Variants in PPP2R2D observed in about 807,000 individuals in gnomAD.
PPP2R2D encodes the protein protein phosphatase 2 regulatory subunit Bdelta.
A neutral mutation model predicts 31.1 loss-of-function variants in PPP2R2D; 9 were observed. The observed-to-expected ratio is 0.29, with a 90% CI of 0.17 to 0.51. The LOEUF (loss-of-function observed/expected upper bound fraction) is 0.51, where lower values mean the gene tolerates loss of function less well. Ranked by LOEUF, PPP2R2D falls within the 20% of genes least tolerant of loss-of-function variation. PPP2R2D has a pLI of 0.98. For missense variants in PPP2R2D, 391 were observed against 465.6 expected (o/e 0.84, Z 1.48); for synonymous variants, 179 against 172.6 (o/e 1.04, Z -0.29).
At chr10:131,970,131 A>G in the PPP2R2D span, 1 of 155,664 alleles carries the variant, frequency 6.4e-6, no homozygotes, top group East Asian at 1.9e-4. The surrounding 1 kb of genome is among the most constrained non-coding windows in gnomAD (Gnocchi z 4.1). Context: ...GTGAGCCGAG[A>G]TCACGCCCCT....
chr10:131,963,710 C>T (rs1171955194), downstream of PPP2R2D, among the ~76,000 whole-genome samples: 1 of 152,260 alleles, frequency 6.6e-6, no homozygotes, highest in Non-Finnish European at 1.5e-5. Flanking sequence ...GTCCAGGGAC[C>T]ACACTTTTTT....
At chr10:131,903,612 C>G (rs981995643) in intron 2 of PPP2R2D, among the ~76,000 whole-genome samples, 2 of 151,354 alleles carry the variant, frequency 1.3e-5, no homozygotes, top group African/African-American at 4.9e-5. Context: ...GTCGTGGTTT[C>G]TTTTGTAACA....
intron 2 of PPP2R2D, among the ~76,000 whole-genome samples, chr10:131,906,688 A>G (rs919385314): frequency 3.3e-5 from 5 of 151,952 alleles, no homozygotes; most frequent in African/African-American, 9.7e-5. Flanking sequence ...CAGGAGGCCA[A>G]GATGGCAGGA....
intron 3 of PPP2R2D, 31 bp downstream of exon 3, chr10:131,934,586 C>G (rs782720924): frequency 3.9e-6 from 3 of 767,298 alleles, no homozygotes; most frequent in Admixed American, 1.8e-5. Context: ...AAATCAAATG[C>G]AATTATTCAA....
chr10:131,905,021 G>A (rs1275951058), intron 2 of PPP2R2D, among the ~76,000 whole-genome samples: 1 of 151,684 alleles, frequency 6.6e-6, no homozygotes, highest in Non-Finnish European at 1.5e-5. Flanking sequence ...TTAGCTATGG[G>A]TCAGGTCATT....
intron 2 of PPP2R2D, among the ~76,000 whole-genome samples, chr10:131,925,752 A>G (rs1554894835): frequency 2.0e-5 from 3 of 152,308 alleles, no homozygotes; most frequent in Middle Eastern, 3.4e-3. Context: ...ATGCGGATAC[A>G]TTGAAGGGTG....
chr10:131,927,898 A>G (rs1046988849), intron 2 of PPP2R2D, among the ~76,000 whole-genome samples: 3 of 152,182 alleles, frequency 2.0e-5, no homozygotes, highest in Non-Finnish European at 2.9e-5. Flanking sequence ...TGCTGTGAAC[A>G]TTCTCGTAAG....
the PPP2R2D span, among the ~76,000 whole-genome samples, chr10:131,965,841 G>A: frequency 1.3e-5 from 2 of 152,140 alleles, no homozygotes; most frequent in African/African-American, 2.4e-5. Context: ...TTTTTGCACT[G>A]TGTTTTACTT....
At chr10:131,954,044 G>T (rs2036746315) in intron 8 of PPP2R2D, among the ~76,000 whole-genome samples, 1 of 152,170 alleles carries the variant, frequency 6.6e-6, no homozygotes, top group Non-Finnish European at 1.5e-5. Context: ...TCTCCGTGTG[G>T]CAGCGCCTTC....
chr10:131,969,714 G>T, the PPP2R2D span: 2 of 152,338 alleles, frequency 1.3e-5, no homozygotes, highest in Admixed American at 1.3e-4. Flanking sequence ...GGCAGCCACA[G>T]AACACTGTCT....
chr10:131,967,986 T>C, the PPP2R2D span: 1 of 152,720 alleles, frequency 6.5e-6, no homozygotes, highest in Non-Finnish European at 1.5e-5. Flanking sequence ...TTGGTTTCTG[T>C]TGATTATGAA....
At position 131,956,022 on chromosome 10, in the gene PPP2R2D, C is replaced by T; in HGVS notation, c.*59C>T. 7.3e-7 allele frequency: 1 copy of T among 1,377,936 alleles called. No individual in the cohort carries two copies. 85.4% of individuals were successfully genotyped at this position (1,377,936 alleles called of 1,614,324 possible). A position where few individuals can be genotyped will look rare whatever the true frequency, so the allele number is the denominator to read the frequency against. ...ATAGTTAAGCCGGACATTTTTCTGT[C>T]AGAGAAAAGGCATCATTGTCCGCTC... On this transcript the variant is annotated 3_prime_UTR_variant, in exon 9 of 9. Transcript: ENST00000455566.
chr10:131,970,483 C>A, the PPP2R2D span: 99 of 1,150,608 alleles, frequency 8.6e-5, 2 homozygotes, highest in South Asian at 1.3e-3. This position sits in a 1 kb window ranked among gnomAD's most constrained non-coding sequence, Gnocchi z 4.1. Context: ...CTGGTGGTTT[C>A]TGGACCTGAA....
At chr10:131,952,557 CG>C (rs1399798347) in intron 8 of PPP2R2D, among the ~76,000 whole-genome samples, 1 of 35,578 alleles carries the variant, frequency 2.8e-5, no homozygotes, top group East Asian at 9.8e-4. Context: ...TGCGGGTGTG[CG>C]GGGGGTTCAC....
chr10:131,968,611 C>G, the PPP2R2D span: 1 of 1,523,854 alleles, frequency 6.6e-7, no homozygotes, highest in African/African-American at 1.4e-5. Flanking sequence ...TCTTGTGATT[C>G]ACAGGAGACT....
In PPP2R2D at chr10:131,945,096, T is replaced by TG. The variant is rs2036510479; in HGVS notation, c.656-198dup. Among the ~76,000 whole-genome samples the TG allele has an allele frequency of 6.6e-6, 1 of 152,196 alleles. No homozygotes were observed. The highest frequency in any genetic ancestry group is 2.4e-5 in the African/African-American group (1 of 41,454). Reference sequence around the variant, plus strand: ...TGTGTCTCCCCCTGGGCCGGGGCGTTGCTGTAGTCTGAGTGTGCTCATCCC... The same window carrying TG: ...TGTGTCTCCCCCTGGGCCGGGGCGTTGGCTGTAGTCTGAGTGTGCTCATCCC... On this transcript the variant is annotated intron_variant, in intron 6 of 8. Coordinates refer to ENST00000455566, the MANE Select transcript of PPP2R2D (RefSeq NM_018461.5). This position sits in a 1 kb window ranked among gnomAD's most constrained non-coding sequence, Gnocchi z 4.8.
intron 2 of PPP2R2D, among the ~76,000 whole-genome samples, chr10:131,920,111 G>C (rs2035946395): frequency 7.0e-6 from 1 of 143,848 alleles, no homozygotes; most frequent in African/African-American, 2.6e-5. Context: ...AGTGTTTGTA[G>C]GGACCTCACG....
intron 2 of PPP2R2D, among the ~76,000 whole-genome samples, chr10:131,906,998 G>T (rs1166580723): frequency 6.6e-6 from 1 of 151,446 alleles, no homozygotes; most frequent in Admixed American, 6.6e-5. Flanking sequence ...TTGAAATTAG[G>T]TGTGTCTTTT....
rs145021096 is a variant in PPP2R2D at position 131,926,567 on chromosome 10, G to A, written c.101-7891G>A. 3.8e-3 allele frequency among the ~76,000 whole-genome samples: 573 copies of A among 152,278 alleles called. 5 individuals are homozygous for A. The highest frequency in any genetic ancestry group is 0.014 in the Middle Eastern group (4 of 294). On this transcript the variant is annotated intron_variant, in intron 2 of 8. Transcript: ENST00000455566. ...CACTTTTCTTGTCTGTCAGTTTGTC[G>A]TATCCAGAGTGCCCTGTTGCTGAGC...
Sources: allele counts gnomAD v4.1 joint callset (sites outside exome capture counted in the v4.1 genomes callset), GRCh38; gene constraint gnomAD v4.1.1; non-coding constraint Gnocchi (gnomAD v3.1); transcripts MANE v1.5; gene names NCBI Gene and HGNC (gene_info 2026-07-23, HGNC 2026-07-21).